The following WWOX variants were observed in gnomAD, a reference collection of about 807,000 sequenced individuals.
WWOX encodes WW domain-containing oxidoreductase.
In WWOX, 69 loss-of-function variants were observed where a neutral mutation model predicts 46.2. The observed-to-expected ratio is 1.49, with a 90% CI of 1.23 to 1.82. The LOEUF (loss-of-function observed/expected upper bound fraction) is 1.82, where lower values mean the gene tolerates loss of function less well. Ranked by LOEUF, WWOX falls within the 40% of genes most tolerant of loss-of-function variation. WWOX has a pLI of 0.00. For missense variants in WWOX, 919 were observed against 542.6 expected (o/e 1.69, Z -6.89); for synonymous variants, 359 against 202.6 (o/e 1.77, Z -6.56).
At chr16:78,950,720 A>C (rs143288699) in intron 8 of WWOX, among the ~76,000 whole-genome samples, 15 of 152,300 alleles carry the variant, frequency 9.8e-5, no homozygotes, top group African/African-American at 2.4e-4. Flanking sequence ...TCTCTTAGAC[A>C]CTCACGGTGA....
intron 8 of WWOX, among the ~76,000 whole-genome samples, chr16:78,959,026 A>G (rs977563500): frequency 3.9e-5 from 6 of 152,188 alleles, no homozygotes; most frequent in Non-Finnish European, 8.8e-5. Flanking sequence ...TAACAGCAAG[A>G]CATTTAATAT....
At chr16:78,437,014 G>T (rs1474941597) in intron 8 of WWOX, among the ~76,000 whole-genome samples, 2 of 152,212 alleles carry the variant, frequency 1.3e-5, no homozygotes, top group South Asian at 4.1e-4. Context: ...CCTATCACCA[G>T]ATGGCTAGTG....
intron 8 of WWOX, among the ~76,000 whole-genome samples, chr16:78,902,659 G>C (rs537849635): frequency 6.6e-6 from 1 of 152,168 alleles, no homozygotes; most frequent in Admixed American, 6.5e-5. Context: ...CCATTAGGCC[G>C]GCTCTGCAGG....
rs9932296 is a variant in WWOX, at chr16:78,386,702, C to G, written c.517-158C>G. Among the ~76,000 whole-genome samples, 7,086 of 143,150 alleles carry G rather than the reference C, an allele frequency of 0.05. 532 individuals are homozygous for G. The highest frequency in any genetic ancestry group is 0.16 in the African/African-American group (6,440 of 39,048). The allele number at this position is 143,150 out of a possible 152,430, so 93.9% of individuals were successfully genotyped here. On this transcript the variant is annotated intron_variant, in intron 5 of 8. Coordinates refer to ENST00000566780, the MANE Select transcript of WWOX (RefSeq NM_016373.4). ...CCTCCCCGAACTTGGCAGTAAAAGC[C>G]CTGTTCTTCCATTCATTCCGATGAT...
chr16:79,173,396 T>G (rs2050739643), intron 8 of WWOX, among the ~76,000 whole-genome samples: 1 of 152,226 alleles, frequency 6.6e-6, no homozygotes, highest in South Asian at 2.1e-4. Context: ...ATGGCCCACA[T>G]GGGTCTCTTT....
At chr16:78,628,975 C>G (rs1196650073) in intron 8 of WWOX, among the ~76,000 whole-genome samples, 1 of 152,180 alleles carries the variant, frequency 6.6e-6, no homozygotes, top group Non-Finnish European at 1.5e-5. Context: ...GAATTACTTT[C>G]CATTCTCAGG....
chr16:78,721,225 A>T (rs1025551226), intron 8 of WWOX, among the ~76,000 whole-genome samples: 1 of 143,660 alleles, frequency 7.0e-6, no homozygotes, highest in Non-Finnish European at 1.5e-5. Context: ...TCTTTAATTG[A>T]TATGCCCCAT....
chr16:78,222,108 A>T (rs113420305), intron 5 of WWOX, among the ~76,000 whole-genome samples: 3 of 152,228 alleles, frequency 2.0e-5, no homozygotes, highest in African/African-American at 7.2e-5. Context: ...AGGATGTTTG[A>T]AAACCACCAG....
intron 8 of WWOX, among the ~76,000 whole-genome samples, chr16:78,721,920 A>G (rs772931888): frequency 2.6e-5 from 4 of 152,252 alleles, no homozygotes; most frequent in Non-Finnish European, 4.4e-5. Flanking sequence ...CAGGAAACCC[A>G]ACTTTGTAAA....
chr16:78,363,975 A>T (rs184595931), intron 5 of WWOX, among the ~76,000 whole-genome samples: 1 of 152,204 alleles, frequency 6.6e-6, no homozygotes, highest in South Asian at 2.1e-4. Flanking sequence ...CCGACTGACC[A>T]AGTGGGCAAG....
intron 8 of WWOX, among the ~76,000 whole-genome samples, chr16:78,865,092 T>G (rs991805145): frequency 6.6e-6 from 1 of 152,054 alleles, no homozygotes; most frequent in South Asian, 2.1e-4. Context: ...AGTTAGTGCT[T>G]TAATATGTTA....
Position 78,562,604 on chromosome 16 carries a change from C to T in WWOX, c.1056+129852C>T, listed in dbSNP as rs890915069. On this transcript the variant is annotated intron_variant, in intron 8 of 8. Coordinates refer to ENST00000566780, the MANE Select transcript of WWOX (RefSeq NM_016373.4). ...CTGACCCTGCTGGGCCTGTCACTTA[C>T]TCCCATTGGAGAGGCCTGTTTCCAT... Among the ~76,000 whole-genome samples, 38 of 152,204 alleles carry T rather than the reference C, an allele frequency of 2.5e-4. 1 individual carries two copies. The highest frequency in any genetic ancestry group is 9.2e-4 in the African/African-American group (38 of 41,460).
At chr16:78,973,375 C>A (rs374595448) in intron 8 of WWOX, among the ~76,000 whole-genome samples, 1 of 152,092 alleles carries the variant, frequency 6.6e-6, no homozygotes, top group Non-Finnish European at 1.5e-5. Flanking sequence ...TAGAACTGTT[C>A]TAGAACGATC....
chr16:78,640,242 T>G (rs1315564409), intron 8 of WWOX, among the ~76,000 whole-genome samples: 38 of 144,840 alleles, frequency 2.6e-4, no homozygotes, highest in South Asian at 6.8e-4. Context: ...TTTTTTTTTT[T>G]TTTTTTTTTT....
intron 8 of WWOX, among the ~76,000 whole-genome samples, chr16:78,807,653 T>C (rs1035419497): frequency 2.6e-5 from 4 of 152,214 alleles, no homozygotes; most frequent in African/African-American, 9.6e-5. Context: ...TTCTCTTAGA[T>C]TGAAGGGCGC....
intron 4 of WWOX, among the ~76,000 whole-genome samples, chr16:78,138,939 G>A (rs974715080): frequency 6.6e-6 from 1 of 152,134 alleles, no homozygotes; most frequent in Non-Finnish European, 1.5e-5. Context: ...CCTAACATTT[G>A]CAACGAGGCC....
intron 8 of WWOX, among the ~76,000 whole-genome samples, chr16:78,903,237 C>G (rs1239053335): frequency 1.3e-5 from 2 of 152,164 alleles, no homozygotes; most frequent in African/African-American, 2.4e-5. Flanking sequence ...TGCAATCAGT[C>G]TTATTGGTTG....
At chr16:78,480,196 T>C (rs937769687) in intron 8 of WWOX, among the ~76,000 whole-genome samples, 5 of 152,228 alleles carry the variant, frequency 3.3e-5, no homozygotes, top group African/African-American at 1.2e-4. Flanking sequence ...CAGCCACATT[T>C]CAAATCTTCA....
intron 8 of WWOX, among the ~76,000 whole-genome samples, chr16:78,561,070 C>G (rs1029290609): frequency 3.3e-5 from 5 of 152,192 alleles, no homozygotes; most frequent in African/African-American, 9.7e-5. Context: ...CACTGCCAAG[C>G]TCATTCAGGA....
Sources: gnomAD v4.1 joint callset for allele counts (sites outside exome capture counted in the v4.1 genomes callset) on GRCh38, gnomAD v4.1.1 for gene constraint, MANE v1.5 for transcripts, NCBI Gene and HGNC (gene_info 2026-07-23, HGNC 2026-07-21) for gene names.